GPR89A: variants seen among roughly 807,000 people sequenced by gnomAD.
GPR89A encodes G protein-coupled receptor 89A.
Under a neutral mutation model 52.0 loss-of-function variants are expected in GPR89A, and 16 were observed. That is an observed-to-expected ratio of 0.31 (90% CI 0.21 to 0.47). The LOEUF (loss-of-function observed/expected upper bound fraction) is 0.47, where lower values mean the gene tolerates loss of function less well. Among genes scored for constraint, GPR89A ranks in the 20% least tolerant of loss-of-function variants. The pLI is 1.00. For synonymous variants in GPR89A, 55 were observed against 150.9 expected (o/e 0.36, Z 4.66); for missense variants, 135 against 449.4 (o/e 0.30, Z 6.33).
At chr1:145,608,539 C>T (rs1648001398) in intron 1 of GPR89A, 1 of 653,886 alleles carries the variant, frequency 1.5e-6, no homozygotes, top group East Asian at 4.6e-5. Flanking sequence ...CTGGGGAAGC[C>T]TGTGTGGTTC....
At chr1:145,653,362 G>A (rs1322229878) in intron 10 of GPR89A, among the ~76,000 whole-genome samples, 1 of 85,738 alleles carries the variant, frequency 1.2e-5, no homozygotes, top group Admixed American at 1.2e-4. Context: ...CAGTTCTTTT[G>A]CATTTGCTGA....
intron 3 of GPR89A, among the ~76,000 whole-genome samples, chr1:145,619,017 G>C (rs1306556093): frequency 1.3e-5 from 2 of 152,140 alleles, no homozygotes; most frequent in Non-Finnish European, 2.9e-5. Context: ...CTGCAAGCTT[G>C]AGTATGTTTT....
At chr1:145,646,031 G>A (rs587707308) in intron 8 of GPR89A, 153 bp from the exon 9 acceptor site, 7 of 1,143,832 alleles carry the variant, frequency 6.1e-6, no homozygotes, top group African/African-American at 4.6e-5. Context: ...TGGGAAAGCT[G>A]CTCTGAAGTA....
intron 10 of GPR89A, among the ~76,000 whole-genome samples, chr1:145,650,868 A>G (rs1195601439): frequency 1.3e-5 from 2 of 152,032 alleles, no homozygotes; most frequent in African/African-American, 4.8e-5. Flanking sequence ...AATTTCTTTA[A>G]GTTCCTTGTA....
intron 2 of GPR89A, among the ~76,000 whole-genome samples, chr1:145,617,360 T>C (rs1474177983): frequency 6.6e-6 from 1 of 152,166 alleles, no homozygotes; most frequent in Non-Finnish European, 1.5e-5. Flanking sequence ...TTCTGTTCTT[T>C]TTCAGGGTGC....
intron 10 of GPR89A, among the ~76,000 whole-genome samples, chr1:145,660,684 C>T (rs1387997456): frequency 4.0e-5 from 6 of 150,628 alleles, no homozygotes; most frequent in Admixed American, 6.6e-5. Context: ...ACTTTTATGC[C>T]GCCAAAAAAC....
chr1:145,632,880 T>G lies in GPR89A; in HGVS notation c.617+1136T>G, dbSNP rs868933473. ...TTTCCACCAACAATGTAATAGGGTT[T>G]CCTTTTCTCAGCATCCACACCAATG... On this transcript the variant is annotated intron_variant, in intron 7 of 13. Transcript: ENST00000313835. 4.0e-4 allele frequency among the ~76,000 whole-genome samples: 61 copies of G among 152,172 alleles called. 1 individual carries two copies. The highest frequency in any genetic ancestry group is 6.3e-3 in the Middle Eastern group (2 of 316).
intron 5 of GPR89A, among the ~76,000 whole-genome samples, chr1:145,625,796 C>G (rs1305749144): frequency 6.7e-6 from 1 of 149,630 alleles, no homozygotes; most frequent in Non-Finnish European, 1.5e-5. Flanking sequence ...GCTACCATCT[C>G]AAGGTATCTA....
At chr1:145,612,573 G>A (rs587706905) in intron 1 of GPR89A, among the ~76,000 whole-genome samples, 49 of 152,126 alleles carry the variant, frequency 3.2e-4, no homozygotes, top group African/African-American at 9.6e-4. Context: ...ATCTTTCTCC[G>A]TGAAAATAGG....
At chr1:145,629,242 C>G (rs1649732241) in intron 5 of GPR89A, among the ~76,000 whole-genome samples, 1 of 152,294 alleles carries the variant, frequency 6.6e-6, no homozygotes, top group Admixed American at 6.5e-5. Context: ...TTGGATGCTA[C>G]TTTGTTCTAA....
At position 145,669,690 on chromosome 1, in the gene GPR89A, G is replaced by A. The variant is rs1397368117; in HGVS notation, c.1161G>A (p.Met387Ile). ...NVIVLLLAQI[M>I]GMYFVSSVLL... ...TTGTCCTGCTATTAGCACAGATAAT[G>A]GTAAGTTTAATTAGTTACCTTTATG... Residue 387 changes from methionine to isoleucine, a missense_variant and splice_region_variant, in exon 13 of 14, where the codon ATG (methionine) becomes ATA (isoleucine). Physicochemically the swap from Met to Ile is conservative, Grantham distance 10 (BLOSUM62 1). Around this residue, in one of 10 missense-constraint regions of GPR89A, gnomAD observed 22 missense variants for 48.4 expected, o/e 0.45. Coordinates refer to ENST00000313835, the MANE Select transcript of GPR89A (RefSeq NM_001097612.2). The A allele has an allele frequency of 1.2e-6, 2 of 1,611,422 alleles. No individual in the cohort carries two copies. Among genetic ancestry groups the A allele is most frequent in the African/African-American group, 1.3e-5 (1 of 74,762 alleles).
At chr1:145,632,788 G>C (rs1553690103) in intron 7 of GPR89A, among the ~76,000 whole-genome samples, 1 of 152,012 alleles carries the variant, frequency 6.6e-6, no homozygotes, top group African/African-American at 2.4e-5. Flanking sequence ...TGGATCATAT[G>C]GCAATTCCAT....
intron 1 of GPR89A, among the ~76,000 whole-genome samples, chr1:145,614,983 G>A (rs1176435098): frequency 6.6e-6 from 1 of 152,154 alleles, no homozygotes; most frequent in Non-Finnish European, 1.5e-5. Context: ...GCTCAGTAAA[G>A]TAGTCCCTAG....
chr1:145,667,568 T>C (rs1412803976), intron 12 of GPR89A, among the ~76,000 whole-genome samples: 3 of 152,222 alleles, frequency 2.0e-5, no homozygotes, highest in African/African-American at 7.2e-5. Flanking sequence ...AGAAGCTCTT[T>C]AGTTTAATTA....
rs1445777697 is a variant in GPR89A, at chr1:145,634,264, G to A, written c.617+2520G>A. On this transcript the variant is annotated intron_variant, in intron 7 of 13. Transcript: ENST00000313835. ...CCAGCTTATTTTTGTATTTTTGGTA[G>A]AGACGGGGTTTCACCATGTTGGACC... Among the ~76,000 whole-genome samples, 10 of 152,036 alleles carry A rather than the reference G, an allele frequency of 6.6e-5. No homozygotes were observed. The East Asian group carries it at 1.4e-3, about 21-fold the overall frequency.
intron 10 of GPR89A, among the ~76,000 whole-genome samples, chr1:145,660,146 C>T (rs587666445): frequency 1.3e-5 from 2 of 152,116 alleles, no homozygotes; most frequent in East Asian, 3.9e-4. Flanking sequence ...GAAATCACGC[C>T]GCATATCTAC....
rs1651867662 is a variant in GPR89A, at chr1:145,657,236, A to G, written c.910-6093A>G. ...TAGCAAGACCCCATCTCAGCAAAAC[A>G]ATAAAAATTAACTGAGTGTGGTGGC... On this transcript the variant is annotated intron_variant, in intron 10 of 13. Transcript: ENST00000313835. Among the ~76,000 whole-genome samples, 4 of 148,402 alleles carry G rather than the reference A, an allele frequency of 2.7e-5. No individual in the cohort carries two copies. In the South Asian group the frequency reaches 8.5e-4, roughly 31 times the overall value.
chr1:145,616,485 T>TA (rs782365349), intron 2 of GPR89A, among the ~76,000 whole-genome samples, 192 bp downstream of exon 2: 2 of 152,034 alleles, frequency 1.3e-5, no homozygotes, highest in Non-Finnish European at 2.9e-5. Flanking sequence ...GCAAATCAAA[T>TA]ATAGCCCAGA....
At chr1:145,659,915 CT>C (rs1321926637) in intron 10 of GPR89A, among the ~76,000 whole-genome samples, 1 of 149,870 alleles carries the variant, frequency 6.7e-6, no homozygotes, top group Non-Finnish European at 1.5e-5. Flanking sequence ...ATGGAATGTT[CT>C]TCCATTTGTT....
Sources: allele counts gnomAD v4.1 joint callset (sites outside exome capture counted in the v4.1 genomes callset), GRCh38; gene constraint gnomAD v4.1.1; regional missense constraint gnomAD v4.1.1; transcripts MANE v1.5; gene names NCBI Gene and HGNC (gene_info 2026-07-23, HGNC 2026-07-21).